Variants in GRM8 observed in about 807,000 individuals in gnomAD.
GRM8 encodes metabotropic glutamate receptor 8.
Under a neutral mutation model 87.2 loss-of-function variants are expected in GRM8, and 47 were observed. That is an observed-to-expected ratio of 0.54 (90% confidence interval 0.43 to 0.69). GRM8 has a LOEUF of 0.69. Among genes scored for constraint, GRM8 ranks in the 30% least tolerant of loss-of-function variants. The probability of loss-of-function intolerance (pLI) is 0.00; values close to 1 mark genes in which losing one functional copy is unlikely to be tolerated. For missense variants in GRM8, 1,019 were observed against 1,139.2 expected (o/e 0.89, Z 1.52); for synonymous variants, 396 against 404.5 (o/e 0.98, Z 0.25).
chr7:126,442,740 T>G (rs1362047042), intron 10 of GRM8, among the ~76,000 whole-genome samples: 1 of 151,964 alleles, frequency 6.6e-6, no homozygotes, highest in Non-Finnish European at 1.5e-5. Flanking sequence ...AATTAACATA[T>G]TATTTTTTGA....
chr7:126,865,286 T>A (rs1798489647), intron 6 of GRM8, among the ~76,000 whole-genome samples: 1 of 152,234 alleles, frequency 6.6e-6, no homozygotes, highest in Admixed American at 6.5e-5. Context: ...GTTTACATAA[T>A]TTTGGCATGG....
At chr7:127,235,868 T>C (rs1797955130) in intron 2 of GRM8, among the ~76,000 whole-genome samples, 1 of 152,214 alleles carries the variant, frequency 6.6e-6, no homozygotes, top group Admixed American at 6.5e-5. Context: ...CCAAACATAT[T>C]AAGTGAAAAA....
intron 9 of GRM8, among the ~76,000 whole-genome samples, chr7:126,514,992 C>G (rs1213879131): frequency 6.6e-6 from 1 of 151,894 alleles, no homozygotes; most frequent in Non-Finnish European, 1.5e-5. Flanking sequence ...TCCTTATAAT[C>G]TATTTGTTTC....
chr7:126,981,651 C>G (rs1167055167), intron 3 of GRM8: 1 of 152,188 alleles, frequency 6.6e-6, no homozygotes, highest in Non-Finnish European at 1.5e-5. Context: ...CCCTACTTCT[C>G]AATACCGACA....
chr7:126,508,118 T>C (rs1810766036), intron 9 of GRM8, among the ~76,000 whole-genome samples: 1 of 152,076 alleles, frequency 6.6e-6, no homozygotes, highest in African/African-American at 2.4e-5. Context: ...CACCTCCAAC[T>C]TCAGCTTCTG....
chr7:126,496,097 T>C (rs896226966), intron 9 of GRM8, among the ~76,000 whole-genome samples: 4 of 151,960 alleles, frequency 2.6e-5, no homozygotes, highest in Admixed American at 2.6e-4. Context: ...TCTGACTCTC[T>C]GAGCTCTGTT....
intron 3 of GRM8, among the ~76,000 whole-genome samples, chr7:127,069,480 AT>A (rs775182836): frequency 2.1e-4 from 28 of 131,568 alleles, no homozygotes; most frequent in Admixed American, 7.3e-4. Context: ...AAATATTTTA[AT>A]TTAAAAAAAA....
intron 7 of GRM8, among the ~76,000 whole-genome samples, chr7:126,702,307 G>A (rs546175814): frequency 2.0e-5 from 3 of 152,228 alleles, no homozygotes; most frequent in East Asian, 3.9e-4. Flanking sequence ...CAGGTGTAAT[G>A]AGGGGAGGCC....
chr7:126,961,686 C>T (rs1368291180), intron 3 of GRM8, among the ~76,000 whole-genome samples: 1 of 152,174 alleles, frequency 6.6e-6, no homozygotes, highest in Admixed American at 6.5e-5. Context: ...ACTATCTCTC[C>T]GGCAGCATAT....
At chr7:126,642,353 T>C (rs183102365) in intron 7 of GRM8, among the ~76,000 whole-genome samples, 157 of 152,288 alleles carry the variant, frequency 1.0e-3, no homozygotes, top group South Asian at 1.0e-2. Context: ...AAGATGATAC[T>C]GTAGGCCAGG....
intron 7 of GRM8, among the ~76,000 whole-genome samples, chr7:126,612,265 A>G (rs1030249643): frequency 6.6e-6 from 1 of 152,218 alleles, no homozygotes; most frequent in Non-Finnish European, 1.5e-5. Flanking sequence ...CAGTGAGCGT[A>G]TAAGTTTTCC....
At chr7:126,756,296 G>A (rs533866844) in intron 7 of GRM8, among the ~76,000 whole-genome samples, 1 of 152,062 alleles carries the variant, frequency 6.6e-6, no homozygotes, top group African/African-American at 2.4e-5. Context: ...AATGTAAAAG[G>A]GAAAACTATT....
chr7:127,251,367 T>C (rs1222137686), intron 1 of GRM8: 1 of 152,168 alleles, frequency 6.6e-6, no homozygotes, highest in Non-Finnish European at 1.5e-5. Flanking sequence ...TTCTGTTATT[T>C]TTTCACCAAC....
At chr7:127,251,597 T>G (rs900109887) in intron 1 of GRM8, among the ~76,000 whole-genome samples, 3 of 151,860 alleles carry the variant, frequency 2.0e-5, no homozygotes, top group African/African-American at 7.3e-5. Flanking sequence ...ACTGGGGCCG[T>G]GGGGAGAGCG....
At chr7:126,811,733 G>T (rs1220411769) in intron 6 of GRM8, among the ~76,000 whole-genome samples, 1 of 151,928 alleles carries the variant, frequency 6.6e-6, no homozygotes, top group Admixed American at 6.6e-5. Context: ...AACTTTACTG[G>T]ATTCATTTAT....
chr7:127,092,968 C>G (rs1003351841), intron 3 of GRM8, among the ~76,000 whole-genome samples: 1 of 152,228 alleles, frequency 6.6e-6, no homozygotes, highest in Admixed American at 6.5e-5. Flanking sequence ...GCCTAGCCTT[C>G]TGTGTGTGCC....
At chr7:126,446,456 G>A (rs966820612) in intron 9 of GRM8, 84 bp from the exon 10 acceptor site, 13 of 916,958 alleles carry the variant, frequency 1.4e-5, no homozygotes, top group Non-Finnish European at 2.1e-5. Context: ...TTCTAAAATT[G>A]TTCCAGCTTC....
At chr7:126,614,722 T>C (rs1220236607) in intron 7 of GRM8, among the ~76,000 whole-genome samples, 1 of 152,138 alleles carries the variant, frequency 6.6e-6, no homozygotes, top group African/African-American at 2.4e-5. Flanking sequence ...AAATACGTGA[T>C]GAATGCACAA....
intron 3 of GRM8, among the ~76,000 whole-genome samples, chr7:127,078,757 T>G (rs1188665815): frequency 6.6e-6 from 1 of 152,242 alleles, no homozygotes; most frequent in Admixed American, 6.5e-5. Flanking sequence ...TAACAGCCTA[T>G]CTAAATATTG....
Sources: allele counts gnomAD v4.1 joint callset (sites outside exome capture counted in the v4.1 genomes callset), GRCh38; gene constraint gnomAD v4.1.1; transcripts MANE v1.5; gene names NCBI Gene and HGNC (gene_info 2026-07-23, HGNC 2026-07-21).